The following GRIA4 variants were observed in gnomAD, a reference collection of about 807,000 sequenced individuals.
GRIA4 encodes glutamate receptor 4.
Under a neutral mutation model 104.0 loss-of-function variants are expected in GRIA4, and 34 were observed. That is an observed-to-expected ratio of 0.33 (90% CI 0.25 to 0.44). The LOEUF (loss-of-function observed/expected upper bound fraction) is 0.44. Ranked by LOEUF, GRIA4 falls within the 20% of genes least tolerant of loss-of-function variation. GRIA4 has a pLI of 1.00. For synonymous variants in GRIA4, 386 were observed against 381.9 expected, an observed-to-expected ratio of 1.01 and a Z score of -0.13; for missense variants, 750 against 1,096.5, an observed-to-expected ratio of 0.68 and a Z score of 4.46.
intron 3 of GRIA4, among the ~76,000 whole-genome samples, chr11:105,751,884 T>C (rs1407015560): frequency 2.6e-5 from 4 of 152,182 alleles, no homozygotes; most frequent in Non-Finnish European, 5.9e-5. Context: ...GTAAGATTAG[T>C]AACTAAAATC....
chr11:105,641,802 T>A (rs1486052419), intron 3 of GRIA4, among the ~76,000 whole-genome samples: 1 of 152,200 alleles, frequency 6.6e-6, no homozygotes, highest in Non-Finnish European at 1.5e-5. Flanking sequence ...ACAAAACTGC[T>A]CTGTATCAGT....
intron 3 of GRIA4, among the ~76,000 whole-genome samples, chr11:105,744,587 C>A (rs1465816528): frequency 6.6e-6 from 1 of 152,092 alleles, no homozygotes; most frequent in African/African-American, 2.4e-5. Flanking sequence ...CATTCATATT[C>A]AATTGGGGAA....
Position 105,979,849 on chromosome 11 carries a change from A to T in GRIA4, c.*110A>T, listed in dbSNP as rs1859187544. 10 of 751,616 alleles carry T rather than the reference A, an allele frequency of 1.3e-5. No individual in the cohort carries two copies. The highest frequency in any genetic ancestry group is 2.2e-5 in the Non-Finnish European group (10 of 462,470). 46.6% of individuals were successfully genotyped at this position (751,616 alleles called of 1,614,324 possible). A position where few individuals can be genotyped will look rare whatever the true frequency, so the allele number is the denominator to read the frequency against. On this transcript the variant is annotated 3_prime_UTR_variant, in exon 17 of 17. Coordinates refer to ENST00000282499, the MANE Select transcript of GRIA4 (RefSeq NM_000829.4). ...CTTTGCTAAACCAATCCTTTGGCTG[A>T]GAGCGGGAAGTCCGTCCTAACGCGC...
chr11:105,794,463 GTATATGTATGTATATATATATATATAT>G (rs1359571489), intron 4 of GRIA4, among the ~76,000 whole-genome samples: 2 of 39,302 alleles, frequency 5.1e-5, no homozygotes, highest in African/African-American at 2.8e-4. Context: ...CTGTGTGTGT[GTATATGTATGTATATATATATATATAT>G]ATATATATAT....
chr11:105,869,457 T>C (rs1227090539), intron 5 of GRIA4, among the ~76,000 whole-genome samples: 1 of 152,104 alleles, frequency 6.6e-6, no homozygotes, highest in Non-Finnish European at 1.5e-5. Flanking sequence ...AGCAGCTGCA[T>C]ACAAGTATCT....
chr11:105,922,629 T>C (rs1314538186), intron 11 of GRIA4, among the ~76,000 whole-genome samples: 1 of 152,156 alleles, frequency 6.6e-6, no homozygotes, highest in Non-Finnish European at 1.5e-5. Context: ...TTTTAACTTG[T>C]ATACTGAAAT....
intron 14 of GRIA4, among the ~76,000 whole-genome samples, chr11:105,971,407 T>A (rs974658341): frequency 2.6e-5 from 4 of 152,206 alleles, no homozygotes; most frequent in Admixed American, 2.6e-4. Flanking sequence ...AGGTTTTGGA[T>A]GAAAGCGGTC....
chr11:105,741,570 G>C (rs1195235396), intron 3 of GRIA4, among the ~76,000 whole-genome samples: 1 of 152,098 alleles, frequency 6.6e-6, no homozygotes, highest in Non-Finnish European at 1.5e-5. Flanking sequence ...ATGCTTGTTG[G>C]GGAAGCCAAG....
intron 9 of GRIA4, among the ~76,000 whole-genome samples, chr11:105,908,334 G>A (rs887944730): frequency 8.6e-5 from 13 of 152,010 alleles, no homozygotes; most frequent in Non-Finnish European, 1.6e-4. Context: ...TTGTCTATAG[G>A]AAAAATATCC....
At chr11:105,780,377 A>C (rs1941672904) in intron 4 of GRIA4, among the ~76,000 whole-genome samples, 2 of 152,184 alleles carry the variant, frequency 1.3e-5, no homozygotes. Context: ...ACTATTATTC[A>C]ACATCACAAA....
intron 4 of GRIA4, among the ~76,000 whole-genome samples, chr11:105,755,638 T>C (rs1176413982): frequency 6.6e-6 from 1 of 152,188 alleles, no homozygotes; most frequent in Non-Finnish European, 1.5e-5. Flanking sequence ...TAGTAAAACA[T>C]TATTTCTGAA....
intron 4 of GRIA4, among the ~76,000 whole-genome samples, chr11:105,777,413 G>A (rs913833957): frequency 2.0e-5 from 3 of 152,014 alleles, no homozygotes; most frequent in Non-Finnish European, 4.4e-5. Flanking sequence ...GACAATATTC[G>A]AATATATCAC....
At chr11:105,806,180 C>T (rs1942945574) in intron 4 of GRIA4, among the ~76,000 whole-genome samples, 1 of 151,762 alleles carries the variant, frequency 6.6e-6, no homozygotes, top group Non-Finnish European at 1.5e-5. Context: ...TCTCCAATAT[C>T]CTACAAAATG....
At chr11:105,816,113 A>C (rs1943364282) in intron 4 of GRIA4, among the ~76,000 whole-genome samples, 1 of 152,112 alleles carries the variant, frequency 6.6e-6, no homozygotes, top group African/African-American at 2.4e-5. Flanking sequence ...CTCTGCCCAC[A>C]CGTCCTAGGT....
At chr11:105,929,514 C>A (rs1333303407) in intron 13 of GRIA4, among the ~76,000 whole-genome samples, 1 of 152,052 alleles carries the variant, frequency 6.6e-6, no homozygotes, top group Non-Finnish European at 1.5e-5. Flanking sequence ...TTAATGCCAG[C>A]CTCGCTGTTT....
chr11:105,665,744 CA>C (rs1952145744), intron 3 of GRIA4, among the ~76,000 whole-genome samples: 1 of 151,910 alleles, frequency 6.6e-6, no homozygotes, highest in African/African-American at 2.4e-5. Flanking sequence ...TAATTTATGC[CA>C]AAATGACCCC....
At chr11:105,962,567 C>A (rs1220044513) in intron 14 of GRIA4, among the ~76,000 whole-genome samples, 1 of 152,150 alleles carries the variant, frequency 6.6e-6, no homozygotes, top group Non-Finnish European at 1.5e-5. Flanking sequence ...GGAAGTTGAT[C>A]AAGTGAGCAT....
chr11:105,634,489 GA>G (rs1203144391), intron 3 of GRIA4, among the ~76,000 whole-genome samples: 202 of 63,642 alleles, frequency 3.2e-3, no homozygotes, highest in African/African-American at 7.9e-3. Context: ...AAGAAAGAAA[GA>G]AAGAAAGAAA....
chr11:105,861,374 T>C (rs865986722), intron 4 of GRIA4, among the ~76,000 whole-genome samples: 2 of 152,188 alleles, frequency 1.3e-5, no homozygotes, highest in Non-Finnish European at 2.9e-5. Flanking sequence ...GTTTCTGTTG[T>C]TTATTTGGTC....
Sources: gnomAD v4.1 joint callset for allele counts (sites outside exome capture counted in the v4.1 genomes callset) on GRCh38, gnomAD v4.1.1 for gene constraint, MANE v1.5 for transcripts, NCBI Gene and HGNC (gene_info 2026-07-23, HGNC 2026-07-21) for gene names.